Variants in IQSEC1 observed in about 807,000 individuals in gnomAD.
IQSEC1 encodes the protein IQ motif and Sec7 domain ArfGEF 1.
IQSEC1 carries 31 observed loss-of-function variants against 91.0 expected under a neutral mutation model. That is an observed-to-expected ratio of 0.34 (90% CI 0.26 to 0.46). The LOEUF (loss-of-function observed/expected upper bound fraction) is 0.46. Among genes scored for constraint, IQSEC1 ranks in the 20% least tolerant of loss-of-function variants. The probability of loss-of-function intolerance (pLI) is 1.00; values close to 1 mark genes in which losing one functional copy is unlikely to be tolerated. For missense variants in IQSEC1, 1,388 were observed against 1,575.6 expected (o/e 0.88, Z 2.02); for synonymous variants, 699 against 662.6 (o/e 1.05, Z -0.84).
intron 2 of IQSEC1, among the ~76,000 whole-genome samples, chr3:12,937,633 G>C (rs1383952973): frequency 6.6e-6 from 1 of 152,236 alleles, no homozygotes; most frequent in African/African-American, 2.4e-5. Context: ...ATTAAATGGG[G>C]TAGTGCTGGG....
rs764372516 is a variant in IQSEC1, at chr3:12,936,244, C to T, written c.772G>A (p.Asp258Asn). 6.2e-7 allele frequency: 1 copy of T among 1,613,250 alleles called. No homozygotes were observed. Among genetic ancestry groups the T allele is most frequent in the South Asian group, 1.1e-5 (1 of 91,072 alleles). Residue 258 changes from aspartate (D) to asparagine (N), a missense_variant, in exon 3 of 14, where the codon GAT becomes AAT. By Grantham distance (23) the Asp-to-Asn change is conservative. Transcript: ENST00000613206. ...SLHTEEAPALDAARARDTEPQ... is the reference protein window; with the variant it reads ...SLHTEEAPALNAARARDTEPQ... The stretch of plus-strand genomic sequence containing the variant: ...TCGGTGTCCCGGGCCCGCGCCGCAT[C>T]CAGGGCCGGTGCCTCCTCAGTGTGC...
intron 1 of IQSEC1, among the ~76,000 whole-genome samples, chr3:13,046,646 A>G (rs1433143988): frequency 6.8e-6 from 1 of 147,306 alleles, no homozygotes; most frequent in African/African-American, 2.5e-5. Flanking sequence ...ACCTCCCCCA[A>G]CTCCCCTCCT....
At chr3:13,216,950 G>A (rs1351393433) in intron 1 of IQSEC1, among the ~76,000 whole-genome samples, 2 of 152,194 alleles carry the variant, frequency 1.3e-5, no homozygotes, top group Admixed American at 1.3e-4. Context: ...CACGACGCAG[G>A]CAAGGTGAAC....
At chr3:13,227,363 G>A (rs1303619845) in intron 1 of IQSEC1, among the ~76,000 whole-genome samples, 6 of 122,846 alleles carry the variant, frequency 4.9e-5, no homozygotes, top group Admixed American at 1.8e-4. Context: ...GCGACAAAGC[G>A]GGACTCTGTC....
chr3:13,005,910 C>A (rs188631857), intron 1 of IQSEC1, among the ~76,000 whole-genome samples: 43 of 152,332 alleles, frequency 2.8e-4, no homozygotes, highest in Non-Finnish European at 5.1e-4. Flanking sequence ...GCACACATCA[C>A]AGCACACAGA....
intron 8 of IQSEC1, 74 bp downstream of exon 8, chr3:12,915,030 C>T (rs553812160): frequency 3.4e-6 from 5 of 1,480,238 alleles, no homozygotes; most frequent in South Asian, 2.4e-5. Context: ...CCTGGGGAGC[C>T]GGCGGACTGG....
intron 1 of IQSEC1, among the ~76,000 whole-genome samples, chr3:13,200,651 G>T (rs886157067): frequency 6.6e-6 from 1 of 152,226 alleles, no homozygotes; most frequent in African/African-American, 2.4e-5. Context: ...GGGGAAGAAC[G>T]GCTGCTAGCC....
At chr3:13,066,692 G>A (rs945178808) in intron 1 of IQSEC1, among the ~76,000 whole-genome samples, 24 of 152,172 alleles carry the variant, frequency 1.6e-4, no homozygotes, top group Non-Finnish European at 1.6e-4. Flanking sequence ...AGGAAGGGGC[G>A]CCCACTGCCC....
At chr3:13,225,609 G>A (rs1358815694) in intron 1 of IQSEC1, among the ~76,000 whole-genome samples, 1 of 152,176 alleles carries the variant, frequency 6.6e-6, no homozygotes, top group Non-Finnish European at 1.5e-5. Flanking sequence ...GACACAGGCT[G>A]GGAGAGATGA....
At chr3:13,173,332 C>A (rs535050771) in intron 1 of IQSEC1, among the ~76,000 whole-genome samples, 1 of 152,352 alleles carries the variant, frequency 6.6e-6, no homozygotes, top group Non-Finnish European at 1.5e-5. Context: ...CGGACCCTCA[C>A]CCACCTGTCC....
rs752303829 is a variant in IQSEC1, at chr3:12,941,648, C to T, written c.241G>A (p.Ala81Thr). ...QHSTSILRKQ[A>T]EEEAIKRSRS... The stretch of plus-strand genomic sequence containing the variant: ...GAGCGCTTGATGGCCTCCTCCTCAG[C>T]CTGCTTGCGCAGGATGGAGGTCGAG... The change falls in exon 2 of 14, where the codon GCT becomes ACT. Residue 81 changes from alanine to threonine, a missense_variant. Ala to Thr is a moderately conservative substitution (Grantham distance 58). Transcript: ENST00000613206. The T allele has an allele frequency of 1.9e-6, 3 of 1,612,694 alleles. No homozygotes were observed. The East Asian group carries it at 6.7e-5, about 36-fold the overall frequency.
At chr3:13,210,826 C>T (rs139929750) in intron 1 of IQSEC1, among the ~76,000 whole-genome samples, 92 of 152,302 alleles carry the variant, frequency 6.0e-4, no homozygotes, top group African/African-American at 2.1e-3. Flanking sequence ...AGGAGGCAGG[C>T]CCTGAGGCCT....
At chr3:13,200,574 G>C (rs1694225923) in intron 1 of IQSEC1, among the ~76,000 whole-genome samples, 1 of 152,248 alleles carries the variant, frequency 6.6e-6, no homozygotes, top group African/African-American at 2.4e-5. Flanking sequence ...CCCCAGGTCA[G>C]GGTGAACGCC....
At chr3:12,953,911 T>G (rs1699730400) in intron 1 of IQSEC1, among the ~76,000 whole-genome samples, 1 of 152,042 alleles carries the variant, frequency 6.6e-6, no homozygotes, top group Non-Finnish European at 1.5e-5. Flanking sequence ...TCAGTGAGAG[T>G]GTTCCAGGAA....
intron 1 of IQSEC1, among the ~76,000 whole-genome samples, chr3:13,223,631 A>G (rs192783095): frequency 4.0e-4 from 61 of 152,330 alleles, no homozygotes; most frequent in African/African-American, 1.3e-3. Flanking sequence ...CCATGCACCC[A>G]TCAGCCAGAT....
intron 2 of IQSEC1, among the ~76,000 whole-genome samples, chr3:13,106,339 C>G (rs1179796727): frequency 3.3e-5 from 5 of 152,212 alleles, no homozygotes; most frequent in Admixed American, 3.3e-4. Context: ...TGCTTGGCAG[C>G]TCCTTGGGAC....
rs193018878 is a variant in IQSEC1 at position 13,162,725 on chromosome 3, A to C, written c.302+1379T>G. Among the ~76,000 whole-genome samples the C allele has an allele frequency of 3.9e-5, 6 of 152,254 alleles. No homozygotes were observed. In the East Asian group the frequency reaches 1.2e-3, roughly 29 times the overall value. On this transcript the variant is annotated intron_variant, in intron 2 of 15. Transcript: ENST00000648114. ...CCCTGCTTTGCTCACTTAATGGTAC[A>C]TTCCAGAGCTTTCTCCATCGTGCAC...
In IQSEC1 at chr3:13,103,649, C is replaced by T. The variant is rs959261107; in HGVS notation, c.303-56127G>A. On this transcript the variant is annotated intron_variant, in intron 2 of 15. Coordinates refer to the IQSEC1 transcript ENST00000648114. The surrounding 1 kb of genome is among the most constrained non-coding windows in gnomAD (Gnocchi z 4.1). The stretch of plus-strand genomic sequence containing the variant: ...GGATGAGCTTCACATGCAGCACGCA[C>T]TGGGGGTCTGGCTGGCAGGGGAGCG... Among the ~76,000 whole-genome samples, 3 of 152,242 alleles carry T rather than the reference C, an allele frequency of 2.0e-5. No homozygotes were observed. The highest frequency in any genetic ancestry group is 4.8e-5 in the African/African-American group (2 of 41,550).
At chr3:13,250,400 G>C (rs1252688810) in intron 1 of IQSEC1, among the ~76,000 whole-genome samples, 1 of 151,304 alleles carries the variant, frequency 6.6e-6, no homozygotes, top group African/African-American at 2.4e-5. Flanking sequence ...CTGTCAGCGA[G>C]TGCTATCAGC....
Sources: allele counts gnomAD v4.1 joint callset (sites outside exome capture counted in the v4.1 genomes callset), GRCh38; gene constraint gnomAD v4.1.1; non-coding constraint Gnocchi (gnomAD v3.1); transcripts MANE v1.5; gene names NCBI Gene and HGNC (gene_info 2026-07-23, HGNC 2026-07-21).